ITGAL: variants seen among roughly 807,000 people sequenced by gnomAD.
The protein encoded by ITGAL is integrin alpha-L.
ITGAL carries 68 observed loss-of-function variants against 138.4 expected under a neutral mutation model. The ratio of observed to expected loss-of-function variants is 0.49; its 90% CI spans 0.40 to 0.60. The LOEUF (loss-of-function observed/expected upper bound fraction) is 0.60. Ranked by LOEUF, ITGAL falls within the 20% of genes least tolerant of loss-of-function variation. The probability of loss-of-function intolerance (pLI) is 0.00; values close to 1 mark genes in which losing one functional copy is unlikely to be tolerated. For missense variants in ITGAL, 1,256 were observed against 1,478.6 expected, an observed-to-expected ratio of 0.85 and a Z score of 2.47; for synonymous variants, 561 against 584.3, an observed-to-expected ratio of 0.96 and a Z score of 0.57.
intron 8 of ITGAL, 23 bp downstream of exon 8, chr16:30,483,982 C>A: frequency 6.2e-7 from 1 of 1,605,338 alleles, no homozygotes. Context: ...CTGCTTCCTG[C>A]ATCATATCTT....
intron 11 of ITGAL, among the ~76,000 whole-genome samples, chr16:30,492,492 T>C (rs12598015): frequency 0.029 from 4,362 of 151,616 alleles, 463 homozygotes; most frequent in Admixed American, 0.19. Flanking sequence ...CCTCAGGTGA[T>C]CCACCCGCCT....
At chr16:30,472,964 G>T in intron 1 of ITGAL, 66 bp downstream of exon 1, 1 of 1,473,106 alleles carries the variant, frequency 6.8e-7, no homozygotes, top group Non-Finnish European at 9.4e-7. Flanking sequence ...AGGGCTTGGT[G>T]CAGCTGGAGT....
intron 15 of ITGAL, among the ~76,000 whole-genome samples, chr16:30,498,354 G>A (rs531814141): frequency 2.2e-4 from 33 of 151,602 alleles, no homozygotes; most frequent in African/African-American, 8.0e-4. Flanking sequence ...ATCGCTGGAG[G>A]CCAGGAGTGT....
intron 1 of ITGAL, chr16:30,473,905 G>A (rs2050428046): frequency 1.8e-6 from 1 of 555,904 alleles, no homozygotes; most frequent in South Asian, 1.5e-5. Flanking sequence ...CTGCCTTGGG[G>A]CCCCTTGGGT....
chr16:30,484,377 G>A, intron 9 of ITGAL, 114 bp downstream of exon 9: 2 of 983,868 alleles, frequency 2.0e-6, no homozygotes, highest in Non-Finnish European at 3.0e-6. Flanking sequence ...GGGAGGCCGA[G>A]GCAGGTGGAT....
chr16:30,521,497 T>C lies in ITGAL; in HGVS notation c.3345T>C (p.Gly1115=), dbSNP rs200066278. 6.2e-7 allele frequency: 1 copy of C among 1,613,844 alleles called. No homozygotes were observed. Among genetic ancestry groups the C allele is most frequent in the East Asian group, 2.2e-5 (1 of 44,878 alleles). ...CAAATTTTGTCTTTGTACAGGTTGG[T>C]TTCTTCAAACGGAACCTGAAGGAGA... The part of the protein sequence containing the change: ...LLIFIVLYKV[G]FFKRNLKEKM... The change falls in exon 31 of 31, where the codon GGT becomes GGC. Residue 1115 remains glycine (G), a synonymous_variant. Coordinates refer to ENST00000356798, the MANE Select transcript of ITGAL (RefSeq NM_002209.3).
chr16:30,499,227 G>C lies in ITGAL; in HGVS notation c.1986G>C (p.Gln662His). Residue 662 changes from glutamine (Q) to histidine (H), a missense_variant, in exon 16 of 31, where the codon CAG becomes CAC. This residue lies in a region of ITGAL where 867 missense variants were observed against 972.5 expected (regional missense o/e 0.89). Transcript: ENST00000356798. ...TCCAGATCAAGTCTCTCATCCCCCAGTTCCAAGGTCAGAGCTCTCCTCCTG... is the reference window on the plus strand; with the variant it reads ...TCCAGATCAAGTCTCTCATCCCCCACTTCCAAGGTCAGAGCTCTCCTCCTG... ...ICFQIKSLIP[Q>H]FQGRLVANLT... The C allele has an allele frequency of 6.2e-7, 1 of 1,614,170 alleles. No individual in the cohort carries two copies. The highest frequency in any genetic ancestry group is 1.1e-5 in the South Asian group (1 of 91,086).
chr16:30,505,257 T>C lies in ITGAL; in HGVS notation c.2249T>C (p.Ile750Thr), dbSNP rs2050969667. Reference sequence around the variant, plus strand: ...CCCCTCGCTCAGCAGGGCAAGGACATACCGCCCATCCTGAGACCCTCCCTG... The same window carrying C: ...CCCCTCGCTCAGCAGGGCAAGGACACACCGCCCATCCTGAGACCCTCCCTG... Reference protein sequence around the residue: ...PRDQRAQGKDIPPILRPSLHS... With the variant: ...PRDQRAQGKDTPPILRPSLHS... The change falls in exon 19 of 31, where the codon ATA (isoleucine) becomes ACA (threonine). Residue 750 changes from isoleucine to threonine, a missense_variant. By Grantham distance (89) the Ile-to-Thr change is moderately conservative (BLOSUM62 -1). Coordinates refer to ENST00000356798, the MANE Select transcript of ITGAL (RefSeq NM_002209.3). The C allele has an allele frequency of 6.2e-7, 1 of 1,610,004 alleles. No homozygotes were observed. Among genetic ancestry groups the C allele is most frequent in the Non-Finnish European group, 8.5e-7 (1 of 1,177,994 alleles).
intron 17 of ITGAL, among the ~76,000 whole-genome samples, chr16:30,499,712 T>TGTATATATATATGTGTATATATATATAC (rs1567478377): frequency 6.4e-4 from 28 of 43,820 alleles, no homozygotes; most frequent in East Asian, 7.6e-3. Flanking sequence ...TATATATATA[T>TGTATATATATATGTGTATATATATATAC]GTATATATAT....
At chr16:30,512,614 C>T (rs1177544830) in intron 24 of ITGAL, among the ~76,000 whole-genome samples, 2 of 150,762 alleles carry the variant, frequency 1.3e-5, no homozygotes, top group Non-Finnish European at 2.9e-5. Context: ...AACTCAAAAT[C>T]GAGTGGCTTT....
intron 16 of ITGAL, 34 bp from the exon 17 acceptor site, chr16:30,499,304 A>G: frequency 3.1e-6 from 5 of 1,612,818 alleles, no homozygotes; most frequent in Non-Finnish European, 4.2e-6. Flanking sequence ...GGGATCCCCC[A>G]CCATTTAACT....
intron 26 of ITGAL, 138 bp from the exon 27 acceptor site, chr16:30,517,511 T>G (rs2051185145): frequency 2.8e-6 from 2 of 712,830 alleles, no homozygotes; most frequent in African/African-American, 1.8e-5. Flanking sequence ...AGAGTAAGGA[T>G]GGATGAATTC....
chr16:30,497,551 A>C (rs1597086175), intron 15 of ITGAL, among the ~76,000 whole-genome samples: 1 of 150,724 alleles, frequency 6.6e-6, no homozygotes, highest in East Asian at 2.0e-4. Context: ...ATCTTGGCTC[A>C]CTGTAACCTC....
chr16:30,500,178 C>G (rs1033717397), intron 17 of ITGAL, among the ~76,000 whole-genome samples: 1 of 149,714 alleles, frequency 6.7e-6, no homozygotes, highest in Non-Finnish European at 1.5e-5. Context: ...CTCTGCCTCC[C>G]GGGTTCAAGC....
intron 25 of ITGAL, 95 bp downstream of exon 25, chr16:30,513,941 T>G: frequency 1.1e-6 from 1 of 895,478 alleles, no homozygotes; most frequent in Non-Finnish European, 1.8e-6. Flanking sequence ...ACAGTACTCA[T>G]CCTAGCCATC....
At chr16:30,484,964 G>C (rs1020855036) in intron 9 of ITGAL, among the ~76,000 whole-genome samples, 1 of 152,008 alleles carries the variant, frequency 6.6e-6, no homozygotes, top group African/African-American at 2.4e-5. Flanking sequence ...CCTCCCCTGG[G>C]ACATCCTATT....
chr16:30,518,840 G>A (rs900826815), intron 29 of ITGAL, 121 bp downstream of exon 29: 7 of 739,060 alleles, frequency 9.5e-6, no homozygotes, highest in African/African-American at 8.8e-5. Flanking sequence ...CCCACTGCCA[G>A]AGCCATCAGC....
At chr16:30,496,014 G>A (rs1028056427) in intron 13 of ITGAL, 83 bp from the exon 14 acceptor site, 8 of 1,174,580 alleles carry the variant, frequency 6.8e-6, no homozygotes, top group East Asian at 2.3e-5. Context: ...CCCATCTTAC[G>A]TTTCTTTAGC....
rs760763568 is a variant in ITGAL, at chr16:30,489,266, G to A, written c.1093G>A (p.Val365Met). The A allele has an allele frequency of 2.3e-5, 37 of 1,614,000 alleles. No homozygotes were observed. The highest frequency in any genetic ancestry group is 2.8e-5 in the Non-Finnish European group (33 of 1,179,872). ...CTTCCCTGGGCAGGGCCATGCAGTC[G>A]TGGGGGCAGTAGGAGCCAAGGACTG... Reference protein sequence around the residue: ...SADLSRGHAVVGAVGAKDWAG... With the variant: ...SADLSRGHAVMGAVGAKDWAG... Residue 365 changes from valine to methionine, a missense_variant, in exon 11 of 31, where the codon GTG (valine) becomes ATG (methionine). Transcript: ENST00000356798.
Sources: allele counts gnomAD v4.1 joint callset (sites outside exome capture counted in the v4.1 genomes callset), GRCh38; gene constraint gnomAD v4.1.1; regional missense constraint gnomAD v4.1.1; transcripts MANE v1.5; gene names NCBI Gene and HGNC (gene_info 2026-07-23, HGNC 2026-07-21).